The following LIMS1 variants were observed in gnomAD, a reference collection of about 807,000 sequenced individuals.
LIMS1 encodes the protein LIM zinc finger domain containing 1.
LIMS1 carries 18 observed loss-of-function variants against 44.1 expected under a neutral mutation model. The observed-to-expected ratio is 0.41, with a 90% CI of 0.28 to 0.61. The LOEUF (loss-of-function observed/expected upper bound fraction) is 0.61. LIMS1 is among the 20% of genes least tolerant of loss of function. LIMS1 has a pLI of 0.32. For missense variants in LIMS1, 201 were observed against 422.0 expected (o/e 0.48, Z 4.59); for synonymous variants, 93 against 149.1 (o/e 0.62, Z 2.74).
chr2:108,644,875 C>G (rs140434960), intron 1 of LIMS1, among the ~76,000 whole-genome samples: 1 of 151,188 alleles, frequency 6.6e-6, no homozygotes, highest in Non-Finnish European at 1.5e-5. Flanking sequence ...ACAGCCAAGT[C>G]GATCAAGCAG....
At chr2:108,612,797 G>A (rs932933343) in intron 1 of LIMS1, among the ~76,000 whole-genome samples, 6 of 152,122 alleles carry the variant, frequency 3.9e-5, no homozygotes, top group African/African-American at 1.2e-4. Context: ...TGAGGTGTCT[G>A]GGTGGTTTCT....
At chr2:108,652,947 A>G (rs2918736) in intron 1 of LIMS1, among the ~76,000 whole-genome samples, 31 of 152,084 alleles carry the variant, frequency 2.0e-4, no homozygotes, top group African/African-American at 6.5e-4. Flanking sequence ...ATTAGGAAAT[A>G]TAGATAAATT....
At chr2:108,634,477 A>C (rs755894510) in intron 1 of LIMS1, among the ~76,000 whole-genome samples, 43 of 152,324 alleles carry the variant, frequency 2.8e-4, no homozygotes, top group Non-Finnish European at 4.6e-4. Context: ...AAAACAAAGA[A>C]GCTCATACAG....
chr2:108,587,583 C>T (rs1049688108), intron 1 of LIMS1, among the ~76,000 whole-genome samples: 5 of 152,058 alleles, frequency 3.3e-5, no homozygotes, highest in Non-Finnish European at 7.4e-5. Context: ...AATGATTCCT[C>T]TATAATAAAG....
chr2:108,663,412 G>A (rs1278044325), intron 2 of LIMS1, among the ~76,000 whole-genome samples: 2 of 152,126 alleles, frequency 1.3e-5, no homozygotes, highest in African/African-American at 4.8e-5. Context: ...AGGCCCTAAC[G>A]CTAACTATAG....
chr2:108,654,966 A>G, intron 1 of LIMS1: 2 of 1,505,770 alleles, frequency 1.3e-6, no homozygotes, highest in Non-Finnish European at 8.8e-7. Flanking sequence ...CGTGCGTGGG[A>G]ACAGTGGGAG....
chr2:108,588,219 C>A, intron 1 of LIMS1: 2 of 399,138 alleles, frequency 5.0e-6, no homozygotes, highest in Non-Finnish European at 6.8e-6. Flanking sequence ...TGCTTCAGAA[C>A]AGTGGGGTTA....
intron 1 of LIMS1, among the ~76,000 whole-genome samples, chr2:108,638,202 A>G (rs1689410148): frequency 6.6e-6 from 1 of 152,192 alleles, no homozygotes; most frequent in South Asian, 2.1e-4. Flanking sequence ...TGGGAGAAAA[A>G]AAAATTGTGA....
In LIMS1 at chr2:108,534,451, T is replaced by C; in HGVS notation, c.-112T>C. Reference sequence around the variant, plus strand: ...CGGCCGGCCCCTGGCCTTCCTCCCCTTCCTGCTCCGGGCCCGCCAGTAGCC... The same window carrying C: ...CGGCCGGCCCCTGGCCTTCCTCCCCCTCCTGCTCCGGGCCCGCCAGTAGCC... On this transcript the variant is annotated 5_prime_UTR_variant, in exon 1 of 10. Transcript: ENST00000544547. The C allele has an allele frequency of 1.2e-6, 1 of 856,768 alleles. No individual in the cohort carries two copies. Among genetic ancestry groups the C allele is most frequent in the East Asian group, 5.6e-5 (1 of 17,814 alleles). 53.1% of individuals were successfully genotyped at this position (856,768 alleles called of 1,614,324 possible).
chr2:108,629,577 GTGTT>G (rs1688778597), intron 1 of LIMS1, among the ~76,000 whole-genome samples: 1 of 152,236 alleles, frequency 6.6e-6, no homozygotes, highest in East Asian at 1.9e-4. Context: ...GGTGGTTACT[GTGTT>G]TGTTTGACAT....
intron 1 of LIMS1, among the ~76,000 whole-genome samples, chr2:108,574,253 A>C (rs1235200995): frequency 6.6e-6 from 1 of 152,160 alleles, no homozygotes; most frequent in East Asian, 1.9e-4. Flanking sequence ...AAGATCAGGG[A>C]AGGGGCTTTC....
At position 108,571,721 on chromosome 2, in the gene LIMS1, C is replaced by G. The variant is rs1217469501; in HGVS notation, c.32+37127C>G. Among the ~76,000 whole-genome samples the G allele has an allele frequency of 2.6e-5, 4 of 152,292 alleles. No individual in the cohort carries two copies. In the East Asian group the frequency reaches 7.7e-4, roughly 29 times the overall value. Reference sequence around the variant, plus strand: ...AGACAGTGAATCTTAAACGTTTAATCTTTTCTTTCGTTGAAGACTATCACT... The same window carrying G: ...AGACAGTGAATCTTAAACGTTTAATGTTTTCTTTCGTTGAAGACTATCACT... On this transcript the variant is annotated intron_variant, in intron 1 of 9. Transcript: ENST00000544547.
intron 1 of LIMS1, among the ~76,000 whole-genome samples, chr2:108,636,982 T>C (rs1689300684): frequency 6.6e-6 from 1 of 152,208 alleles, no homozygotes; most frequent in South Asian, 2.1e-4. Context: ...ATTGTACTTA[T>C]GGCAAAATCT....
At chr2:108,646,828 C>A (rs921895136) in intron 1 of LIMS1, among the ~76,000 whole-genome samples, 8 of 152,140 alleles carry the variant, frequency 5.3e-5, no homozygotes, top group African/African-American at 1.9e-4. Flanking sequence ...GCCTCAGCCT[C>A]CCGAATAGCT....
chr2:108,620,318 T>C (rs1573468239), intron 1 of LIMS1, among the ~76,000 whole-genome samples: 1 of 152,330 alleles, frequency 6.6e-6, no homozygotes, highest in East Asian at 1.9e-4. Flanking sequence ...AAGAGGCTGG[T>C]ATAAATTGCC....
At chr2:108,552,085 T>C (rs960611546) in intron 1 of LIMS1, among the ~76,000 whole-genome samples, 4 of 146,194 alleles carry the variant, frequency 2.7e-5, no homozygotes, top group African/African-American at 5.0e-5. Flanking sequence ...TGTGTATATA[T>C]ACATATGTAT....
chr2:108,575,749 T>C (rs930643416), intron 1 of LIMS1, among the ~76,000 whole-genome samples: 2 of 152,234 alleles, frequency 1.3e-5, no homozygotes, highest in Non-Finnish European at 2.9e-5. Context: ...GTTATAACTA[T>C]TGCAGAAATC....
rs540815648 is a variant in LIMS1 at position 108,661,674 on chromosome 2, G to A, written c.192+1910G>A. Among the ~76,000 whole-genome samples the A allele has an allele frequency of 6.6e-5, 10 of 152,290 alleles. No homozygotes were observed. In the South Asian group the frequency reaches 1.5e-3, roughly 22 times the overall value. ...TGCTGCGGCAGCAAGAAGAGAGGGC[G>A]TTTGCTGGTGGTAGTGGTGGTGAGC... On this transcript the variant is annotated intron_variant, in intron 2 of 9. Transcript: ENST00000544547.
At chr2:108,534,677 C>CGCGG in intron 1 of LIMS1, 83 bp downstream of exon 1, 2 of 811,086 alleles carry the variant, frequency 2.5e-6, no homozygotes, top group African/African-American at 1.9e-5. Flanking sequence ...CCGGGCCTGG[C>CGCGG]GCGGGCGGGC....
Sources: allele counts gnomAD v4.1 joint callset (sites outside exome capture counted in the v4.1 genomes callset), GRCh38; gene constraint gnomAD v4.1.1; transcripts MANE v1.5; gene names NCBI Gene and HGNC (gene_info 2026-07-23, HGNC 2026-07-21).